The following HCK variants were observed in gnomAD, a reference collection of about 807,000 sequenced individuals.
HCK encodes tyrosine-protein kinase HCK.
In HCK, 40 loss-of-function variants were observed where a neutral mutation model predicts 70.4. That is an observed-to-expected ratio of 0.57 (90% CI 0.44 to 0.74). The LOEUF (loss-of-function observed/expected upper bound fraction) is 0.74, where lower values mean the gene tolerates loss of function less well. HCK is among the 30% of genes least tolerant of loss of function. HCK has a pLI of 0.00. For synonymous variants in HCK, 245 were observed against 263.2 expected (o/e 0.93, Z 0.67); for missense variants, 568 against 697.2 (o/e 0.81, Z 2.09).
intron 9 of HCK, among the ~76,000 whole-genome samples, chr20:32,087,670 C>G (rs991386045): frequency 6.6e-6 from 1 of 151,154 alleles, no homozygotes; most frequent in African/African-American, 2.4e-5. Context: ...GAGACAGAGT[C>G]TCACTCTGTT....
At chr20:32,061,195 G>A (rs955748350) in intron 1 of HCK, among the ~76,000 whole-genome samples, 24 of 152,274 alleles carry the variant, frequency 1.6e-4, no homozygotes, top group Non-Finnish European at 2.8e-4. Context: ...TGTTGGCCAG[G>A]CTGGTCTTGA....
In HCK at chr20:32,098,878, AG is replaced by A. The variant is rs3833317; in HGVS notation, c.1247-123del. 17,529 of 1,019,682 alleles carry A rather than the reference AG, an allele frequency of 0.017. 1,094 individuals are homozygous for A. The East Asian group carries it at 0.2, about 12-fold the overall frequency. 63.2% of individuals were successfully genotyped at this position (1,019,682 alleles called of 1,614,324 possible). On this transcript the variant is annotated intron_variant, in intron 11 of 12. Coordinates refer to ENST00000375852, the MANE Select transcript of HCK (RefSeq NM_002110.5). ...TGCTTCCACAGGGAGGCCACGTATC[AG>A]GGAAATTGCAGGTCTGCAGGGGCAG... is the stretch of plus-strand genomic sequence containing the variant.
chr20:32,066,185 G>A (rs2045454276), intron 1 of HCK, among the ~76,000 whole-genome samples: 1 of 151,106 alleles, frequency 6.6e-6, no homozygotes, highest in South Asian at 2.1e-4. Flanking sequence ...CCCATCCCCT[G>A]TTCCCAAACT....
intron 1 of HCK, among the ~76,000 whole-genome samples, chr20:32,055,957 A>G (rs1028766978): frequency 2.6e-5 from 4 of 152,224 alleles, no homozygotes; most frequent in African/African-American, 9.6e-5. Context: ...TCCACTTAAC[A>G]TAATGTTTTC....
At chr20:32,060,485 C>T (rs551557712) in intron 1 of HCK, among the ~76,000 whole-genome samples, 147 of 152,236 alleles carry the variant, frequency 9.7e-4, no homozygotes, top group African/African-American at 3.3e-3. Flanking sequence ...TCAGGTGATC[C>T]GCCTGCCTCA....
intron 10 of HCK, among the ~76,000 whole-genome samples, chr20:32,090,319 T>G (rs2045847471): frequency 6.6e-6 from 1 of 152,098 alleles, no homozygotes; most frequent in Non-Finnish European, 1.5e-5. Context: ...AGAGGTAGAT[T>G]CAGAGCCCAG....
At chr20:32,095,234 T>G (rs987884177) in intron 11 of HCK, among the ~76,000 whole-genome samples, 1 of 152,202 alleles carries the variant, frequency 6.6e-6, no homozygotes, top group African/African-American at 2.4e-5. Flanking sequence ...ATAATTCCCC[T>G]TCTATGAAAT....
intron 2 of HCK, 182 bp downstream of exon 2, chr20:32,071,964 G>T: frequency 1.5e-6 from 1 of 682,112 alleles, no homozygotes; most frequent in South Asian, 2.1e-5. Flanking sequence ...ATGCATAGGG[G>T]CAAAGAAGTC....
chr20:32,053,852 C>A (rs1057038697), intron 1 of HCK, among the ~76,000 whole-genome samples: 1 of 152,042 alleles, frequency 6.6e-6, no homozygotes, highest in Non-Finnish European at 1.5e-5. Flanking sequence ...CTGTGCAGGA[C>A]AATGAGAACT....
At chr20:32,099,511 C>T (rs1398707256) in intron 12 of HCK, among the ~76,000 whole-genome samples, 2 of 152,068 alleles carry the variant, frequency 1.3e-5, no homozygotes, top group South Asian at 2.1e-4. Context: ...GCATCCACCA[C>T]CATGCCTGGC....
chr20:32,089,325 C>T (rs916761541), intron 10 of HCK, among the ~76,000 whole-genome samples: 40 of 152,308 alleles, frequency 2.6e-4, no homozygotes, highest in African/African-American at 9.6e-4. Flanking sequence ...TCCCATTTTA[C>T]AGAATAGGAA....
intron 11 of HCK, among the ~76,000 whole-genome samples, chr20:32,096,793 T>C (rs995450370): frequency 2.0e-5 from 3 of 152,036 alleles, no homozygotes; most frequent in African/African-American, 4.8e-5. Flanking sequence ...TGAGCCACTA[T>C]GCACAGGCTG....
At chr20:32,090,941 T>C (rs2045856261) in intron 10 of HCK, among the ~76,000 whole-genome samples, 1 of 152,186 alleles carries the variant, frequency 6.6e-6, no homozygotes. Flanking sequence ...TTTAAATAAA[T>C]ACTTAACTAT....
chr20:32,052,803 T>C (rs1043944134), intron 1 of HCK, among the ~76,000 whole-genome samples: 2 of 115,640 alleles, frequency 1.7e-5, no homozygotes, highest in African/African-American at 6.4e-5. Flanking sequence ...GGGGATTTTT[T>C]TTTTAATTTA....
At chr20:32,063,891 A>G (rs2045415970) in intron 1 of HCK, among the ~76,000 whole-genome samples, 1 of 145,892 alleles carries the variant, frequency 6.9e-6, no homozygotes, top group Non-Finnish European at 1.5e-5. Context: ...GCATTTCTCT[A>G]TTTCTTGGGT....
At chr20:32,089,838 ATGAATAGAAGTTCAGT>A in intron 10 of HCK, among the ~76,000 whole-genome samples, 1 of 152,264 alleles carries the variant, frequency 6.6e-6, no homozygotes, top group Non-Finnish European at 1.5e-5. Context: ...AGCCTGAAGG[ATGAATAGAAGTTCAGT>A]AGATGAAGAG....
At chr20:32,090,942 A>G (rs1165924033) in intron 10 of HCK, among the ~76,000 whole-genome samples, 1 of 152,192 alleles carries the variant, frequency 6.6e-6, no homozygotes, top group African/African-American at 2.4e-5. Context: ...TTAAATAAAT[A>G]CTTAACTATG....
intron 6 of HCK, among the ~76,000 whole-genome samples, chr20:32,082,010 A>C (rs561023167): frequency 6.6e-6 from 1 of 152,310 alleles, no homozygotes; most frequent in African/African-American, 2.4e-5. Flanking sequence ...CCCATCCAGC[A>C]GCAACCAAGC....
intron 6 of HCK, among the ~76,000 whole-genome samples, chr20:32,082,499 G>A (rs990159039): frequency 6.6e-5 from 10 of 151,910 alleles, no homozygotes; most frequent in African/African-American, 9.7e-5. Flanking sequence ...AAAATTAGCC[G>A]GGCGTAGTGG....
Sources: gnomAD v4.1 joint callset for allele counts (sites outside exome capture counted in the v4.1 genomes callset) on GRCh38, gnomAD v4.1.1 for gene constraint, MANE v1.5 for transcripts, NCBI Gene and HGNC (gene_info 2026-07-23, HGNC 2026-07-21) for gene names.